The following ABCA9 variants were observed in gnomAD, a reference collection of about 807,000 sequenced individuals.
The protein encoded by ABCA9 is ATP binding cassette subfamily A member 9.
ABCA9 carries 183 observed loss-of-function variants against 205.3 expected under a neutral mutation model. The ratio of observed to expected loss-of-function variants is 0.89; its 90% confidence interval spans 0.79 to 1.01. ABCA9 has a LOEUF of 1.01. Among genes scored for constraint, ABCA9 ranks in the 50% least tolerant of loss-of-function variants. The pLI, the probability that ABCA9 is intolerant of heterozygous loss-of-function variation, is 0.00. For missense variants in ABCA9, 1,805 were observed against 1,912.4 expected (o/e 0.94, Z 1.05); for synonymous variants, 651 against 683.3 (o/e 0.95, Z 0.74).
intron 32 of ABCA9, 128 bp downstream of exon 32, chr17:68,986,036 C>A: frequency 1.1e-6 from 1 of 878,462 alleles, no homozygotes; most frequent in Non-Finnish European, 1.7e-6. Context: ...GAACAGAGTT[C>A]TAGATGACCA....
chr17:69,020,348 G>C (rs1452491793), intron 19 of ABCA9, 40 bp downstream of exon 19: 1 of 1,532,488 alleles, frequency 6.5e-7, no homozygotes, highest in African/African-American at 1.4e-5. Context: ...TTTATTTTTA[G>C]TTCACAGACA....
At chr17:68,987,471 G>T (rs2069274339) in intron 31 of ABCA9, among the ~76,000 whole-genome samples, 8 of 152,218 alleles carry the variant, frequency 5.3e-5, no homozygotes, top group Admixed American at 5.2e-4. Flanking sequence ...TTAGCTGACA[G>T]TGTAGTTAGG....
At chr17:68,989,258 A>ACACT in intron 30 of ABCA9, 140 bp from the exon 31 acceptor site, 1 of 58,130 alleles carries the variant, frequency 1.7e-5, no homozygotes. Flanking sequence ...TCTCTCTCTC[A>ACACT]CACACACACA....
chr17:69,000,374 T>G (rs1293795437), intron 25 of ABCA9, among the ~76,000 whole-genome samples: 25 of 152,016 alleles, frequency 1.6e-4, no homozygotes, highest in Admixed American at 8.5e-4. Context: ...CACCATTTAT[T>G]AAATAGGGAA....
chr17:68,980,880 G>A (rs182790645), intron 37 of ABCA9, among the ~76,000 whole-genome samples: 80 of 151,182 alleles, frequency 5.3e-4, no homozygotes, highest in African/African-American at 1.8e-3. Context: ...TAACCTGCAC[G>A]TTGTGCACAT....
At chr17:69,052,061 C>T (rs1056332292) in intron 1 of ABCA9, among the ~76,000 whole-genome samples, 1 of 152,146 alleles carries the variant, frequency 6.6e-6, no homozygotes, top group Non-Finnish European at 1.5e-5. Flanking sequence ...CCCGGGACAT[C>T]ATGTCCAGCT....
At chr17:68,984,842 G>C in intron 34 of ABCA9, 43 bp downstream of exon 34, 1 of 1,612,692 alleles carries the variant, frequency 6.2e-7, no homozygotes, top group Non-Finnish European at 8.5e-7. Context: ...GTTTTCACAG[G>C]ATCAATACAC....
the ABCA9 span, among the ~76,000 whole-genome samples, chr17:69,074,182 A>G: frequency 1.3e-5 from 2 of 151,938 alleles, no homozygotes. Flanking sequence ...CTTTTATTCA[A>G]TTTTATTTAA....
At chr17:69,039,287 G>C (rs977444681) in intron 6 of ABCA9, among the ~76,000 whole-genome samples, 4 of 152,098 alleles carry the variant, frequency 2.6e-5, no homozygotes. Flanking sequence ...CAAAGCTGGA[G>C]GCATCACACT....
At position 69,051,003 on chromosome 17, in the gene ABCA9, A is replaced by G. The variant is rs746083094; in HGVS notation, c.96+28T>C. 6 of 1,596,908 alleles carry G rather than the reference A, an allele frequency of 3.8e-6. No individual in the cohort carries two copies. In the Admixed American group the frequency reaches 1.0e-4, roughly 27 times the overall value. On this transcript the variant is annotated intron_variant, in intron 2 of 38. Coordinates refer to ENST00000340001, the MANE Select transcript of ABCA9 (RefSeq NM_080283.4). ...TAAAATACTTTTTCATCCTCTAAATATGAGAACACATAGACTCTGAAGCAT... is the reference window on the plus strand; with the variant it reads ...TAAAATACTTTTTCATCCTCTAAATGTGAGAACACATAGACTCTGAAGCAT...
At chr17:69,013,487 T>TATC (rs2070461496) in intron 22 of ABCA9, among the ~76,000 whole-genome samples, 1 of 152,130 alleles carries the variant, frequency 6.6e-6, no homozygotes, top group Non-Finnish European at 1.5e-5. Flanking sequence ...CCCCATCTCA[T>TATC]ATCTTTGCCT....
chr17:69,061,834 G>T (rs973801279), upstream of ABCA9, among the ~76,000 whole-genome samples: 1 of 152,242 alleles, frequency 6.6e-6, no homozygotes. Flanking sequence ...TGAAGAAGAG[G>T]GGGGAAAGGA....
Position 68,975,807 on chromosome 17 carries a change from G to A in ABCA9, c.*108C>T, listed in dbSNP as rs1163996485. On this transcript the variant is annotated 3_prime_UTR_variant, in exon 39 of 39. Coordinates refer to ENST00000340001, the MANE Select transcript of ABCA9 (RefSeq NM_080283.4). ...ACTACTGAGGATAATTATTGCATGA[G>A]TTTCAAATGCATTTTGTACCACCTC... is the stretch of plus-strand genomic sequence containing the variant. 2 of 850,126 alleles carry A rather than the reference G, an allele frequency of 2.4e-6. No homozygotes were observed. The highest frequency in any genetic ancestry group is 2.7e-5 in the East Asian group (1 of 37,518). 52.7% of individuals were successfully genotyped at this position (850,126 alleles called of 1,614,324 possible).
At chr17:68,986,722 C>T (rs1301229434) in intron 31 of ABCA9, 1 of 158,176 alleles carries the variant, frequency 6.3e-6, no homozygotes, top group African/African-American at 2.4e-5. Context: ...CAGGGGAATC[C>T]TCCTCCTAGG....
chr17:69,020,948 C>T (rs1156408710), intron 18 of ABCA9: 1 of 172,170 alleles, frequency 5.8e-6, no homozygotes, highest in Non-Finnish European at 1.2e-5. Flanking sequence ...TATACAGAAA[C>T]CCCTCCTCTA....
chr17:69,035,998 T>C (rs558305061), intron 6 of ABCA9, among the ~76,000 whole-genome samples, 197 bp from the exon 7 acceptor site: 6 of 152,094 alleles, frequency 3.9e-5, no homozygotes, highest in Non-Finnish European at 8.8e-5. Flanking sequence ...GAGAGGAAAA[T>C]TGATAACTAA....
chr17:69,028,750 A>G (rs960655343), intron 11 of ABCA9, 105 bp from the exon 12 acceptor site: 2 of 538,922 alleles, frequency 3.7e-6, no homozygotes, highest in African/African-American at 3.9e-5. Context: ...AGCTAGCAAT[A>G]TTCAAAATAA....
intron 37 of ABCA9, among the ~76,000 whole-genome samples, chr17:68,979,718 ACTAG>A: frequency 6.6e-6 from 1 of 152,208 alleles, no homozygotes; most frequent in Non-Finnish European, 1.5e-5. Context: ...TGCTGGGAAA[ACTAG>A]CTAGCCATAT....
At position 69,043,500 on chromosome 17, in the gene ABCA9, C is replaced by T; in HGVS notation, c.789G>A (p.Glu263=). ...GTCATATGATTTACCAGAATGCTGACTCTCGGAGTCCCATCATTGTCATCA... is the reference window on the plus strand; with the variant it reads ...GTCATATGATTTACCAGAATGCTGATTCTCGGAGTCCCATCATTGTCATCA... The part of the protein sequence containing the change: ...TSLMTMMGLR[E]SAFWLSWGLM... Residue 263 remains glutamate (E), a synonymous_variant, in exon 6 of 39, where the codon GAG becomes GAA. Transcript: ENST00000340001. The T allele has an allele frequency of 6.3e-7, 1 of 1,589,654 alleles. No homozygotes were observed. The highest frequency in any genetic ancestry group is 8.6e-7 in the Non-Finnish European group (1 of 1,167,806).
Sources: allele counts gnomAD v4.1 joint callset (sites outside exome capture counted in the v4.1 genomes callset), GRCh38; gene constraint gnomAD v4.1.1; transcripts MANE v1.5; gene names NCBI Gene and HGNC (gene_info 2026-07-23, HGNC 2026-07-21).